MARCO: variants seen among roughly 807,000 people sequenced by gnomAD.
The protein encoded by MARCO is macrophage receptor with collagenous structure.
In MARCO, 72 loss-of-function variants were observed where a neutral mutation model predicts 70.0. That is an observed-to-expected ratio of 1.03 (90% CI 0.85 to 1.25). The LOEUF (loss-of-function observed/expected upper bound fraction) is 1.25. MARCO is among the 50% of genes most tolerant of loss of function. The pLI, the probability that MARCO is intolerant of heterozygous loss-of-function variation, is 0.00. For synonymous variants in MARCO, 273 were observed against 243.1 expected, an observed-to-expected ratio of 1.12 and a Z score of -1.14; for missense variants, 696 against 659.3, an observed-to-expected ratio of 1.06 and a Z score of -0.61.
intron 6 of MARCO, among the ~76,000 whole-genome samples, chr2:118,974,946 T>C (rs576107570): frequency 1.3e-5 from 2 of 152,328 alleles, no homozygotes; most frequent in Non-Finnish European, 2.9e-5. Flanking sequence ...ACTAGCTCTG[T>C]GCCCTTGGGA....
At position 118,942,213 on chromosome 2, in the gene MARCO, C is replaced by T. The variant is rs1327459609; in HGVS notation, c.-88C>T. ...AGGTTTACAACCAGCTGCAGTGGTT[C>T]GATGGGAAGGATCTTTCTCCAAGTG... is the stretch of plus-strand genomic sequence containing the variant. On this transcript the variant is annotated 5_prime_UTR_variant, in exon 1 of 17. Transcript: ENST00000327097. 1 of 817,876 alleles carries T rather than the reference C, an allele frequency of 1.2e-6. No individual in the cohort carries two copies. Among genetic ancestry groups the T allele is most frequent in the Non-Finnish European group, 2.1e-6 (1 of 484,834 alleles). The allele number at this position is 817,876 out of a possible 1,614,324, so 50.7% of individuals were successfully genotyped here.
intron 1 of MARCO, among the ~76,000 whole-genome samples, chr2:118,948,556 T>C (rs913765991): frequency 3.3e-5 from 5 of 152,256 alleles, no homozygotes; most frequent in African/African-American, 9.6e-5. Context: ...AAGAAAGTTA[T>C]TCCTCAAAAG....
At position 118,974,668 on chromosome 2, in the gene MARCO, G is replaced by A. The variant is rs1018877446; in HGVS notation, c.613+103G>A. On this transcript the variant is annotated intron_variant, in intron 6 of 16. Coordinates refer to ENST00000327097, the MANE Select transcript of MARCO (RefSeq NM_006770.4). ...CTCCCTCCAGAGTCTGGACCTCTGAGGGGTCTGTAGGTGAACGGAGGCCTG... is the reference window on the plus strand; with the variant it reads ...CTCCCTCCAGAGTCTGGACCTCTGAAGGGTCTGTAGGTGAACGGAGGCCTG... 2.4e-5 allele frequency: 27 copies of A among 1,112,516 alleles called. 1 individual carries two copies. Among genetic ancestry groups the A allele is most frequent in the Non-Finnish European group, 3.2e-5 (25 of 775,338 alleles). The allele number at this position is 1,112,516 out of a possible 1,614,324, so 68.9% of individuals were successfully genotyped here. A position where few individuals can be genotyped will look rare whatever the true frequency, so the allele number is the denominator to read the frequency against.
At chr2:118,968,450 G>T (rs568693426) in intron 1 of MARCO, among the ~76,000 whole-genome samples, 98 of 152,228 alleles carry the variant, frequency 6.4e-4, no homozygotes, top group African/African-American at 1.8e-3. Context: ...GATATCATTT[G>T]TAAGATTAAA....
chr2:118,992,502 A>C, intron 15 of MARCO, 26 bp downstream of exon 15: 1 of 1,582,030 alleles, frequency 6.3e-7, no homozygotes. Context: ...ATTATCTTTA[A>C]TGTGTGCTTT....
intron 1 of MARCO, among the ~76,000 whole-genome samples, chr2:118,947,475 C>T (rs901089926): frequency 7.2e-5 from 11 of 152,032 alleles, no homozygotes; most frequent in African/African-American, 2.7e-4. Context: ...CATGCCTGCC[C>T]GTGATCCATT....
At chr2:118,971,123 C>T (rs1022075435) in intron 3 of MARCO, among the ~76,000 whole-genome samples, 7 of 152,142 alleles carry the variant, frequency 4.6e-5, no homozygotes, top group Admixed American at 1.3e-4. Flanking sequence ...AAGGAGTCCA[C>T]GTTCAGACAC....
intron 6 of MARCO, among the ~76,000 whole-genome samples, chr2:118,975,074 G>A (rs1338606262): frequency 3.3e-5 from 5 of 152,300 alleles, no homozygotes; most frequent in Non-Finnish European, 5.9e-5. Context: ...GCTCATGATC[G>A]TTGCTTGGAA....
intron 1 of MARCO, among the ~76,000 whole-genome samples, chr2:118,961,977 T>A (rs895634177): frequency 6.6e-6 from 1 of 152,222 alleles, no homozygotes; most frequent in East Asian, 1.9e-4. Context: ...GAATAGGAGA[T>A]CCTTTCCCCA....
At chr2:118,973,177 A>G (rs1014048884) in intron 4 of MARCO, among the ~76,000 whole-genome samples, 2 of 150,094 alleles carry the variant, frequency 1.3e-5, no homozygotes, top group Non-Finnish European at 3.0e-5. Flanking sequence ...ATATAGATGT[A>G]TGTACACAGA....
intron 6 of MARCO, among the ~76,000 whole-genome samples, 188 bp from the exon 7 acceptor site, chr2:118,977,283 T>A (rs1002305286): frequency 6.8e-6 from 1 of 146,936 alleles, no homozygotes; most frequent in African/African-American, 2.5e-5. Context: ...TGTGCAATCA[T>A]ATGTGTGTGA....
intron 16 of MARCO, among the ~76,000 whole-genome samples, chr2:118,993,877 G>C (rs766016032): frequency 6.6e-6 from 1 of 152,226 alleles, no homozygotes; most frequent in Non-Finnish European, 1.5e-5. Context: ...AAGAAGTTAA[G>C]TCCCCAGGCA....
intron 4 of MARCO, 89 bp downstream of exon 4, chr2:118,971,623 C>A: frequency 7.5e-7 from 1 of 1,326,144 alleles, no homozygotes; most frequent in Non-Finnish European, 1.1e-6. Flanking sequence ...TGGGTCTGGA[C>A]AGCTGACCCT....
intron 1 of MARCO, among the ~76,000 whole-genome samples, chr2:118,963,928 T>C (rs1573386176): frequency 6.6e-6 from 1 of 152,206 alleles, no homozygotes; most frequent in African/African-American, 2.4e-5. Flanking sequence ...TTCCCATTCA[T>C]GTATTTCTCT....
At chr2:118,972,466 A>G (rs1057173638) in intron 4 of MARCO, among the ~76,000 whole-genome samples, 1 of 152,094 alleles carries the variant, frequency 6.6e-6, no homozygotes, top group African/African-American at 2.4e-5. Context: ...CCTACAGAAA[A>G]TCCTGGATCT....
At chr2:118,959,718 A>G (rs905028213) in intron 1 of MARCO, among the ~76,000 whole-genome samples, 1 of 152,242 alleles carries the variant, frequency 6.6e-6, no homozygotes, top group African/African-American at 2.4e-5. Flanking sequence ...CACAATTGCA[A>G]AATCATGGAA....
At chr2:118,962,712 G>A (rs527365712) in intron 1 of MARCO, among the ~76,000 whole-genome samples, 3 of 152,068 alleles carry the variant, frequency 2.0e-5, no homozygotes, top group South Asian at 2.1e-4. Context: ...TGTTTATTAC[G>A]ATATGCTGGT....
chr2:118,981,876 C>T (rs1345153306), intron 10 of MARCO, among the ~76,000 whole-genome samples: 20 of 152,186 alleles, frequency 1.3e-4, no homozygotes, highest in Admixed American at 1.3e-3. Context: ...CCCACTTTGC[C>T]ACCCAGGGGG....
intron 12 of MARCO, among the ~76,000 whole-genome samples, chr2:118,984,487 GT>G (rs1387043736): frequency 1.3e-5 from 2 of 152,190 alleles, no homozygotes; most frequent in Non-Finnish European, 2.9e-5. Flanking sequence ...GGCTGACCAA[GT>G]AAACATGAGG....
Sources: allele counts gnomAD v4.1 joint callset (sites outside exome capture counted in the v4.1 genomes callset), GRCh38; gene constraint gnomAD v4.1.1; transcripts MANE v1.5; gene names NCBI Gene and HGNC (gene_info 2026-07-23, HGNC 2026-07-21).